MPRIP: variants seen among roughly 807,000 people sequenced by gnomAD.
MPRIP encodes the protein myosin phosphatase Rho interacting protein.
In MPRIP, 59 loss-of-function variants were observed where a neutral mutation model predicts 234.9. That is an observed-to-expected ratio of 0.25 (90% CI 0.20 to 0.31). The LOEUF is 0.31. MPRIP is among the 10% of genes least tolerant of loss of function. MPRIP has a pLI of 1.00. For synonymous variants in MPRIP, 1,144 were observed against 1,263.9 expected (o/e 0.91, Z 2.01); for missense variants, 2,436 against 3,071.0 (o/e 0.79, Z 4.89).
rs983360159 is a variant in MPRIP, at chr17:17,138,039, C to T, written c.860C>T (p.Pro287Leu). 9.3e-6 allele frequency: 15 copies of T among 1,610,236 alleles called. No homozygotes were observed. Among genetic ancestry groups the T allele is most frequent in the South Asian group, 2.2e-5 (2 of 90,746 alleles). ...LKAEEQQLPP[P>L]LSPPSPSTPN... ...GCTGAAGAACAGCAGCTGCCCCCGCCGCTCTCCCCTCCCAGCCCCAGCACC... is the reference window on the plus strand; with the variant it reads ...GCTGAAGAACAGCAGCTGCCCCCGCTGCTCTCCCCTCCCAGCCCCAGCACC... Residue 287 changes from proline to leucine, a missense_variant, in exon 7 of 24, where the codon CCG becomes CTG. Pro to Leu is a moderately conservative substitution (Grantham distance 98, BLOSUM62 -3). Coordinates refer to ENST00000651222, the MANE Select transcript of MPRIP (RefSeq NM_001364716.4). The surrounding 1 kb of genome is among the most constrained non-coding windows in gnomAD (Gnocchi z 5.8).
At chr17:17,088,778 T>C (rs986110932) in intron 3 of MPRIP, among the ~76,000 whole-genome samples, 2 of 151,168 alleles carry the variant, frequency 1.3e-5, no homozygotes, top group Non-Finnish European at 3.0e-5. Context: ...AGGGCACCAC[T>C]TCTGGCAGGC....
intron 1 of MPRIP, among the ~76,000 whole-genome samples, chr17:17,046,512 A>G (rs555483013): frequency 2.0e-5 from 3 of 152,186 alleles, no homozygotes; most frequent in African/African-American, 4.8e-5. Context: ...GTGTGATAAC[A>G]TTTCCAGGAC....
chr17:17,142,728 A>T lies in MPRIP; in HGVS notation c.1352A>T (p.Gln451Leu). The T allele has an allele frequency of 6.2e-7, 1 of 1,612,640 alleles. No individual in the cohort carries two copies. Reference protein sequence around the residue: ...VGPSPSSDTRQGRSEKRAFPR... With the variant: ...VGPSPSSDTRLGRSEKRAFPR... Reference sequence around the variant, plus strand: ...CCCTCACCATCCAGCGACACACGCCAGGGCCGCAGCGAGAAGAGGGCGTTC... The same window carrying T: ...CCCTCACCATCCAGCGACACACGCCTGGGCCGCAGCGAGAAGAGGGCGTTC... The change falls in exon 8 of 24, where the codon CAG (glutamine) becomes CTG (leucine). Residue 451 changes from glutamine (Q) to leucine (L), a missense_variant. By Grantham distance (113) the Gln-to-Leu change is moderately radical (BLOSUM62 -2). Transcript: ENST00000651222.
intron 15 of MPRIP, among the ~76,000 whole-genome samples, chr17:17,162,083 A>G (rs2045884543): frequency 6.6e-6 from 1 of 152,214 alleles, no homozygotes; most frequent in Non-Finnish European, 1.5e-5. Flanking sequence ...TGATAGGAAG[A>G]TTGATATATA....
chr17:17,055,862 T>A (rs1194347040), intron 1 of MPRIP, among the ~76,000 whole-genome samples: 1 of 152,214 alleles, frequency 6.6e-6, no homozygotes, highest in Non-Finnish European at 1.5e-5. Flanking sequence ...TATTCATAGC[T>A]GACAGGAATT....
At chr17:17,079,381 G>A (rs1004184752) in intron 3 of MPRIP, among the ~76,000 whole-genome samples, 3 of 152,222 alleles carry the variant, frequency 2.0e-5, no homozygotes, top group Non-Finnish European at 2.9e-5. Context: ...GGTGAGCACC[G>A]ATTGTGGACT....
rs2045955107 is a variant in MPRIP, at chr17:17,165,087, A to G, written c.3496A>G (p.Lys1166Glu). The change falls in exon 16 of 24, where the codon AAG (lysine) becomes GAG (glutamate). Residue 1166 changes from lysine to glutamate, a missense_variant. Lys to Glu is a moderately conservative substitution (Grantham distance 56). Coordinates refer to ENST00000651222, the MANE Select transcript of MPRIP (RefSeq NM_001364716.4). The stretch of plus-strand genomic sequence containing the variant: ...GAGCATGCACACTCTGCTGAGAGAG[A>G]AGGAGGAAGAGCTGGAGCGCATTAA... ...LQSMHTLLRE[K>E]EEELERIKEA... 6 of 1,303,618 alleles carry G rather than the reference A, an allele frequency of 4.6e-6. No individual in the cohort carries two copies. The highest frequency in any genetic ancestry group is 2.5e-5 in the South Asian group (2 of 81,030). 80.8% of individuals were successfully genotyped at this position (1,303,618 alleles called of 1,614,324 possible).
At chr17:17,131,533 C>G (rs1182891117) in intron 4 of MPRIP, 84 bp from the exon 5 acceptor site, 2 of 1,197,988 alleles carry the variant, frequency 1.7e-6, no homozygotes, top group African/African-American at 3.0e-5. Context: ...CTGCTCTACT[C>G]CTGGACCACC....
At chr17:17,052,903 C>T (rs2088584722) in intron 1 of MPRIP, among the ~76,000 whole-genome samples, 1 of 152,208 alleles carries the variant, frequency 6.6e-6, no homozygotes, top group African/African-American at 2.4e-5. Flanking sequence ...CCACAAGCAA[C>T]CGTGGCGCAC....
Position 17,131,698 on chromosome 17 carries a change from A to C in MPRIP, c.501A>C (p.Pro167=), listed in dbSNP as rs930472506. Reference sequence around the variant, plus strand: ...AACGGAAAGTGGAGCCCCCCACACCACAGGTAGGCAGTGGGTTTGCCAGAT... The same window carrying C: ...AACGGAAAGTGGAGCCCCCCACACCCCAGGTAGGCAGTGGGTTTGCCAGAT... ...KKKRKVEPPT[P]QEPGPAKVAV... The change falls in exon 5 of 24, where the codon CCA becomes CCC. Residue 167 remains proline (P), a synonymous_variant. Coordinates refer to ENST00000651222, the MANE Select transcript of MPRIP (RefSeq NM_001364716.4). The C allele has an allele frequency of 2.5e-6, 4 of 1,614,014 alleles. No homozygotes were observed. Among genetic ancestry groups the C allele is most frequent in the Non-Finnish European group, 2.5e-6 (3 of 1,179,892 alleles).
Position 17,173,882 on chromosome 17 carries a change from G to A in MPRIP, c.6591-34G>A, listed in dbSNP as rs2046198512. ...GGCCTCTGAGAGGCCTTGTCCAGAA[G>A]CAGGCAGAGGAGTGAGTGCTGCCCT... is the stretch of plus-strand genomic sequence containing the variant. On this transcript the variant is annotated intron_variant, in intron 18 of 23. Transcript: ENST00000651222. 6 of 1,612,782 alleles carry A rather than the reference G, an allele frequency of 3.7e-6. No homozygotes were observed. The East Asian group carries it at 1.3e-4, about 36-fold the overall frequency.
intron 15 of MPRIP, among the ~76,000 whole-genome samples, chr17:17,163,271 A>G (rs1202368323): frequency 6.6e-6 from 1 of 152,124 alleles, no homozygotes; most frequent in Admixed American, 6.5e-5. Flanking sequence ...GCAGACCGAG[A>G]GGGAGCCATA....
chr17:17,072,734 G>C (rs1329310807), intron 1 of MPRIP, among the ~76,000 whole-genome samples: 1 of 152,150 alleles, frequency 6.6e-6, no homozygotes, highest in African/African-American at 2.4e-5. Flanking sequence ...TAGCTGGCCA[G>C]TTCCTGTCCC....
chr17:17,148,544 G>T (rs901014416), intron 11 of MPRIP, among the ~76,000 whole-genome samples: 9 of 152,202 alleles, frequency 5.9e-5, no homozygotes, highest in African/African-American at 1.7e-4. Context: ...CCTTGAAAGA[G>T]CAGCAGAAGT....
intron 13 of MPRIP, among the ~76,000 whole-genome samples, chr17:17,156,376 T>A (rs1597475011): frequency 6.6e-6 from 1 of 152,338 alleles, no homozygotes; most frequent in Non-Finnish European, 1.5e-5. Flanking sequence ...ACCTAGCATA[T>A]CTGCATAGTC....
intron 7 of MPRIP, among the ~76,000 whole-genome samples, chr17:17,139,370 C>T (rs1164125048): frequency 1.3e-5 from 2 of 152,212 alleles, no homozygotes; most frequent in Non-Finnish European, 2.9e-5. Flanking sequence ...TGATGACCTG[C>T]CCCCTCAATA....
rs550201514 is a variant in MPRIP at position 17,108,588 on chromosome 17, A to T, written c.268-18114A>T. Among the ~76,000 whole-genome samples, 58 of 152,326 alleles carry T rather than the reference A, an allele frequency of 3.8e-4. 1 individual carries two copies. The highest frequency in any genetic ancestry group is 3.7e-3 in the South Asian group (18 of 4,826). On this transcript the variant is annotated intron_variant, in intron 3 of 23. Coordinates refer to ENST00000651222, the MANE Select transcript of MPRIP (RefSeq NM_001364716.4). ...GCAAAAGTTTGGAACCATTGCTTTAAGCTCTAAAACCTTCCATTTTAAGCC... is the reference window on the plus strand; with the variant it reads ...GCAAAAGTTTGGAACCATTGCTTTATGCTCTAAAACCTTCCATTTTAAGCC...
intron 15 of MPRIP, 29 bp from the exon 16 acceptor site, chr17:17,164,080 C>T: frequency 7.7e-7 from 1 of 1,298,608 alleles, no homozygotes; most frequent in Non-Finnish European, 1.0e-6. Context: ...CCGAGTGTTA[C>T]TAACCAGTAT....
At chr17:17,111,961 G>A (rs2090181010) in intron 3 of MPRIP, among the ~76,000 whole-genome samples, 1 of 152,114 alleles carries the variant, frequency 6.6e-6, no homozygotes, top group East Asian at 1.9e-4. Context: ...AACCGTCCAG[G>A]CCAGGTTTCA....
Sources: gnomAD v4.1 joint callset for allele counts (sites outside exome capture counted in the v4.1 genomes callset) on GRCh38, gnomAD v4.1.1 for gene constraint, Gnocchi (gnomAD v3.1) non-coding constraint, MANE v1.5 for transcripts, NCBI Gene and HGNC (gene_info 2026-07-23, HGNC 2026-07-21) for gene names.